The following PICALM variants were observed in gnomAD, a reference collection of about 807,000 sequenced individuals.
PICALM encodes the protein phosphatidylinositol-binding clathrin assembly protein.
A neutral mutation model predicts 80.5 loss-of-function variants in PICALM; 40 were observed. The ratio of observed to expected loss-of-function variants is 0.50; its 90% CI spans 0.39 to 0.65. The LOEUF (loss-of-function observed/expected upper bound fraction) is 0.65, where lower values mean the gene tolerates loss of function less well. PICALM is among the 30% of genes least tolerant of loss of function. The pLI is 0.00. For synonymous variants in PICALM, 288 were observed against 260.3 expected (o/e 1.11, Z -1.02); for missense variants, 676 against 778.9 (o/e 0.87, Z 1.57).
intron 7 of PICALM, among the ~76,000 whole-genome samples, chr11:86,010,328 GC>G (rs1592872817): frequency 6.8e-6 from 1 of 146,280 alleles, no homozygotes; most frequent in African/African-American, 2.5e-5. Flanking sequence ...GGGAACAAAA[GC>G]TTTTTTTTTT....
At chr11:85,959,248 T>C (rs762952983) in intron 19 of PICALM, among the ~76,000 whole-genome samples, 188 bp from the exon 20 acceptor site, 3 of 152,098 alleles carry the variant, frequency 2.0e-5, no homozygotes, top group African/African-American at 7.2e-5. Context: ...ATTTGACACA[T>C]ATAGGGACTT....
chr11:86,027,769 C>T (rs1270205236), intron 2 of PICALM, among the ~76,000 whole-genome samples: 1 of 152,116 alleles, frequency 6.6e-6, no homozygotes, highest in African/African-American at 2.4e-5. Flanking sequence ...AATCCTCCCG[C>T]CTTGGCCCCC....
intron 19 of PICALM, among the ~76,000 whole-genome samples, chr11:85,962,195 T>TC (rs937913947): frequency 6.6e-6 from 1 of 151,876 alleles, no homozygotes; most frequent in African/African-American, 2.4e-5. Context: ...CTGGAAAGAC[T>TC]CCCCCTCCTC....
In PICALM at chr11:85,996,860, C is replaced by A; in HGVS notation, c.1224G>T (p.Met408Ile). 6.2e-7 allele frequency: 1 copy of A among 1,611,972 alleles called. No individual in the cohort carries two copies. The highest frequency in any genetic ancestry group is 8.5e-7 in the Non-Finnish European group (1 of 1,178,406). The change falls in exon 12 of 20, where the codon ATG becomes ATT. Residue 408 changes from methionine to isoleucine, a missense_variant. This residue lies in a region of PICALM where 391 missense variants were observed against 383.6 expected (regional missense o/e 1.02). Coordinates refer to ENST00000393346, the MANE Select transcript of PICALM (RefSeq NM_007166.4). ...TACTTGCTACCTGAGAAGCAGTTGA[C>A]ATAGGATGTACAGATGGGTGAAAAG... ...QPTFHPSVHP[M>I]STASQVASTW...
chr11:85,981,181 G>A lies in PICALM; in HGVS notation c.1727C>T (p.Ser576Phe). The A allele has an allele frequency of 6.2e-7, 1 of 1,609,484 alleles. No individual in the cohort carries two copies. The highest frequency in any genetic ancestry group is 1.1e-5 in the South Asian group (1 of 90,982). Residue 576 changes from serine to phenylalanine, a missense_variant, in exon 17 of 20, where the codon TCT (serine) becomes TTT (phenylalanine). Physicochemically the swap from Ser to Phe is radical, Grantham distance 155. Coordinates refer to ENST00000393346, the MANE Select transcript of PICALM (RefSeq NM_007166.4). Reference protein sequence around the residue: ...QPGEKKLTGGSNWQPKVAPTT... With the variant: ...QPGEKKLTGGFNWQPKVAPTT... Reference sequence around the variant, plus strand: ...TGGTGCAACCTTTGGTTGCCAGTTAGATCCCCCAGTTAACTTCTTTTCACC... The same window carrying A: ...TGGTGCAACCTTTGGTTGCCAGTTAAATCCCCCAGTTAACTTCTTTTCACC...
intron 4 of PICALM, among the ~76,000 whole-genome samples, chr11:86,017,020 G>A (rs908620053): frequency 2.6e-5 from 4 of 152,074 alleles, no homozygotes; most frequent in African/African-American, 7.2e-5. Flanking sequence ...TCAGGATTTC[G>A]AGACCAGCCT....
At chr11:86,069,331 C>T (rs2096488128), upstream of PICALM, 1 of 161,058 alleles carries the variant, frequency 6.2e-6, no homozygotes, top group African/African-American at 2.4e-5. Context: ...TCCCTGCCAA[C>T]AGGTCGCCTG....
In PICALM at chr11:86,042,555, T is replaced by C. The variant is rs182068649; in HGVS notation, c.131-10944A>G. Among the ~76,000 whole-genome samples, 33 of 151,684 alleles carry C rather than the reference T, an allele frequency of 2.2e-4. No individual in the cohort carries two copies. The East Asian group carries it at 5.0e-3, about 23-fold the overall frequency. ...TATAGGAAAGAAAACATATTAAGTA[T>C]CAAGTAATTTAAGAACAAATGCCAA... On this transcript the variant is annotated intron_variant, in intron 1 of 19. Coordinates refer to ENST00000393346, the MANE Select transcript of PICALM (RefSeq NM_007166.4).
chr11:86,014,469 C>T (rs1226269878), intron 5 of PICALM, among the ~76,000 whole-genome samples: 1 of 152,144 alleles, frequency 6.6e-6, no homozygotes, highest in Non-Finnish European at 1.5e-5. Flanking sequence ...ATTATAACTG[C>T]TATTTAAACT....
At chr11:85,960,260 T>C (rs1433489284) in intron 19 of PICALM, among the ~76,000 whole-genome samples, 1 of 152,046 alleles carries the variant, frequency 6.6e-6, no homozygotes, top group East Asian at 1.9e-4. Flanking sequence ...GACTATAAAC[T>C]CCCAAAGATC....
At chr11:85,971,774 A>G (rs606505) in intron 19 of PICALM, among the ~76,000 whole-genome samples, 107,621 of 151,410 alleles carry the variant, frequency 0.71, 38,706 homozygotes, top group African/African-American at 0.84. Flanking sequence ...CAGATGCTGG[A>G]TGACAAGCAA....
At chr11:86,004,510 T>TAA (rs1300308230) in intron 8 of PICALM, among the ~76,000 whole-genome samples, 1 of 151,964 alleles carries the variant, frequency 6.6e-6, no homozygotes, top group African/African-American at 2.4e-5. Context: ...AATGAATACT[T>TAA]ACGTTTTTTT....
At chr11:85,975,006 T>C (rs1436975805) in intron 18 of PICALM, among the ~76,000 whole-genome samples, 194 bp from the exon 19 acceptor site, 2 of 152,214 alleles carry the variant, frequency 1.3e-5, no homozygotes, top group South Asian at 4.1e-4. Context: ...AAGTAAAGTC[T>C]TTAACATGCT....
intron 1 of PICALM, among the ~76,000 whole-genome samples, chr11:86,055,887 G>A (rs2096261395): frequency 6.6e-6 from 1 of 151,980 alleles, no homozygotes. Context: ...TATAATCCCA[G>A]CATTTTGGGA....
At chr11:85,981,309 AAGAT>A in intron 16 of PICALM, 81 bp from the exon 17 acceptor site, 1 of 829,010 alleles carries the variant, frequency 1.2e-6, no homozygotes, top group African/African-American at 1.7e-5. Context: ...AGAACAGAGT[AAGAT>A]AGAGACTTGA....
intron 1 of PICALM, among the ~76,000 whole-genome samples, chr11:86,064,746 A>G (rs1219160059): frequency 2.0e-5 from 3 of 152,102 alleles, no homozygotes; most frequent in Non-Finnish European, 4.4e-5. Flanking sequence ...ACGATAGTAA[A>G]TAAGAATAAA....
intron 17 of PICALM, among the ~76,000 whole-genome samples, chr11:85,979,664 T>C (rs1048241183): frequency 1.3e-5 from 2 of 152,160 alleles, no homozygotes; most frequent in Non-Finnish European, 2.9e-5. Flanking sequence ...TTAACAAACA[T>C]ACTATTTTTA....
intron 19 of PICALM, among the ~76,000 whole-genome samples, chr11:85,965,808 T>G (rs1341201863): frequency 7.1e-4 from 21 of 29,720 alleles, no homozygotes; most frequent in East Asian, 1.5e-3. Flanking sequence ...ACCCATTTTG[T>G]TTTTTTGTTT....
At position 85,989,464 on chromosome 11, in the gene PICALM, G is replaced by A. The variant is rs183516995; in HGVS notation, c.1408+786C>T. On this transcript the variant is annotated intron_variant, in intron 13 of 19. Coordinates refer to ENST00000393346, the MANE Select transcript of PICALM (RefSeq NM_007166.4). ...ATCAAATATTTAAATTCACATCACC[G>A]TTAAGCTGTTTCTCTGAACTGAACA... 8.5e-5 allele frequency among the ~76,000 whole-genome samples: 13 copies of A among 152,160 alleles called. No individual in the cohort carries two copies. The East Asian group carries it at 1.2e-3, about 14-fold the overall frequency.
Sources: allele counts gnomAD v4.1 joint callset (sites outside exome capture counted in the v4.1 genomes callset), GRCh38; gene constraint gnomAD v4.1.1; regional missense constraint gnomAD v4.1.1; transcripts MANE v1.5; gene names NCBI Gene and HGNC (gene_info 2026-07-23, HGNC 2026-07-21).